SDC1: variants seen among roughly 807,000 people sequenced by gnomAD.
SDC1 encodes syndecan 1, also known as syndecan-1.
In SDC1, 14 loss-of-function variants were observed where a neutral mutation model predicts 29.7. That is an observed-to-expected ratio of 0.47 (90% CI 0.31 to 0.74). The LOEUF (loss-of-function observed/expected upper bound fraction) is 0.74. SDC1 is among the 30% of genes least tolerant of loss of function. The pLI is 0.05. For missense variants in SDC1, 406 were observed against 400.3 expected (o/e 1.01, Z -0.12); for synonymous variants, 204 against 175.5 (o/e 1.16, Z -1.29).
chr2:20,213,073 T>A (rs1002732539), intron 1 of SDC1, among the ~76,000 whole-genome samples: 17 of 151,998 alleles, frequency 1.1e-4, no homozygotes, highest in African/African-American at 3.4e-4. Context: ...GGGCGTTTAT[T>A]GAAGGAGGAG....
chr2:20,218,281 C>T (rs1159266189), intron 1 of SDC1, among the ~76,000 whole-genome samples: 1 of 152,206 alleles, frequency 6.6e-6, no homozygotes, highest in Admixed American at 6.5e-5. Context: ...AGGAATAACT[C>T]CCACAGATTT....
intron 1 of SDC1, among the ~76,000 whole-genome samples, chr2:20,212,065 A>G (rs1454034921): frequency 6.6e-6 from 1 of 151,752 alleles, no homozygotes; most frequent in African/African-American, 2.4e-5. Context: ...CTTGGTGGAT[A>G]ACGCTAAAGT....
chr2:20,219,351 C>T (rs1106111), intron 1 of SDC1, among the ~76,000 whole-genome samples: 46,987 of 152,024 alleles, frequency 0.31, 7,533 homozygotes, highest in Middle Eastern at 0.38. Context: ...TTCCTGAGGG[C>T]GGGCAAAAGC....
At chr2:20,208,528 G>GC (rs1354425968) in intron 1 of SDC1, among the ~76,000 whole-genome samples, 1 of 152,222 alleles carries the variant, frequency 6.6e-6, no homozygotes, top group Non-Finnish European at 1.5e-5. Flanking sequence ...TGAGATTTCA[G>GC]CCCCCTGAGG....
At chr2:20,222,978 T>C (rs1677868886) in intron 1 of SDC1, among the ~76,000 whole-genome samples, 3 of 152,166 alleles carry the variant, frequency 2.0e-5, no homozygotes, top group African/African-American at 7.2e-5. Flanking sequence ...CTCCATTCTC[T>C]TCTCCAAACT....
rs1677006132 is a variant in SDC1 at position 20,201,452 on chromosome 2, C to T, written c.*1314G>A. Reference sequence around the variant, plus strand: ...TGCAGAAAAGTCCGGTCACGTCACACACAGCACAGAGGCAAGAAGCGAAGG... The same window carrying T: ...TGCAGAAAAGTCCGGTCACGTCACATACAGCACAGAGGCAAGAAGCGAAGG... On this transcript the variant is annotated 3_prime_UTR_variant, in exon 5 of 5. Transcript: ENST00000254351. The T allele has an allele frequency of 6.6e-6, 1 of 152,554 alleles. No homozygotes were observed. Among genetic ancestry groups the T allele is most frequent in the African/African-American group, 2.4e-5 (1 of 41,450 alleles). 9.5% of individuals were successfully genotyped at this position (152,554 alleles called of 1,614,324 possible). A position where few individuals can be genotyped will look rare whatever the true frequency, so the allele number is the denominator to read the frequency against.
At chr2:20,206,137 G>A (rs1288419698) in intron 1 of SDC1, among the ~76,000 whole-genome samples, 1 of 152,228 alleles carries the variant, frequency 6.6e-6, no homozygotes, top group Non-Finnish European at 1.5e-5. Context: ...ATCCTCCTTG[G>A]GGAAGGAAGG....
Position 20,204,166 on chromosome 2 carries a change from T to C in SDC1, c.274A>G (p.Thr92Ala), listed in dbSNP as rs1572459914. 3 of 1,600,066 alleles carry C rather than the reference T, an allele frequency of 1.9e-6. No homozygotes were observed. Among genetic ancestry groups the C allele is most frequent in the Non-Finnish European group, 2.5e-6 (3 of 1,179,676 alleles). Residue 92 changes from threonine (T) to alanine (A), a missense_variant, in exon 3 of 5, where the codon ACC becomes GCC. Transcript: ENST00000254351. Reference protein sequence around the residue: ...GLEATAASTSTLPAGEGPKEG... With the variant: ...GLEATAASTSALPAGEGPKEG... Reference sequence around the variant, plus strand: ...TTGGGCCCCTCTCCAGCCGGCAGGGTGGAGGTGGAGGCAGCTGTAGCCTCC... The same window carrying C: ...TTGGGCCCCTCTCCAGCCGGCAGGGCGGAGGTGGAGGCAGCTGTAGCCTCC...
intron 1 of SDC1, among the ~76,000 whole-genome samples, chr2:20,209,243 C>T (rs972545130): frequency 6.6e-6 from 1 of 152,210 alleles, no homozygotes; most frequent in Non-Finnish European, 1.5e-5. Context: ...TACAACTCCC[C>T]TGCAGATGAG....
chr2:20,211,586 G>T (rs899708166), intron 1 of SDC1, among the ~76,000 whole-genome samples: 4 of 152,230 alleles, frequency 2.6e-5, no homozygotes, highest in African/African-American at 9.6e-5. Context: ...GCTCCTTCGT[G>T]CCTGGGGCTG....
chr2:20,219,040 C>A (rs879552633), intron 1 of SDC1, among the ~76,000 whole-genome samples: 3 of 152,202 alleles, frequency 2.0e-5, no homozygotes, highest in Non-Finnish European at 2.9e-5. Flanking sequence ...AAGCCCCGAG[C>A]GCAGCAGGAG....
At chr2:20,216,487 G>C (rs1246947784) in intron 1 of SDC1, among the ~76,000 whole-genome samples, 3 of 152,172 alleles carry the variant, frequency 2.0e-5, no homozygotes, top group Admixed American at 6.5e-5. Context: ...CCACAACCTC[G>C]GGCCCTGCAA....
intron 3 of SDC1, among the ~76,000 whole-genome samples, chr2:20,203,586 T>C (rs1033494340): frequency 6.6e-6 from 1 of 152,248 alleles, no homozygotes; most frequent in Admixed American, 6.5e-5. Flanking sequence ...ATTGTGAGTT[T>C]GGGGAGCCCT....
chr2:20,202,534 G>T lies in SDC1; in HGVS notation c.*232C>A, dbSNP rs1260297554. 4 of 592,792 alleles carry T rather than the reference G, an allele frequency of 6.7e-6. No individual in the cohort carries two copies. Among genetic ancestry groups the T allele is most frequent in the Non-Finnish European group, 1.2e-5 (4 of 335,188 alleles). 36.7% of individuals were successfully genotyped at this position (592,792 alleles called of 1,614,324 possible). Reference sequence around the variant, plus strand: ...GCGATGCCAGGTGCTGGCTGTGGTGGAAAGGTCCTATGCGAGAAACCCCTG... The same window carrying T: ...GCGATGCCAGGTGCTGGCTGTGGTGTAAAGGTCCTATGCGAGAAACCCCTG... On this transcript the variant is annotated 3_prime_UTR_variant, in exon 5 of 5. Coordinates refer to ENST00000254351, the MANE Select transcript of SDC1 (RefSeq NM_002997.5).
At chr2:20,212,141 G>T (rs1236223026) in intron 1 of SDC1, among the ~76,000 whole-genome samples, 1 of 152,180 alleles carries the variant, frequency 6.6e-6, no homozygotes, top group Non-Finnish European at 1.5e-5. Context: ...ACTAGACAGG[G>T]GTTCTGTCCC....
At chr2:20,214,045 G>C (rs1275175061) in intron 1 of SDC1, among the ~76,000 whole-genome samples, 3 of 152,222 alleles carry the variant, frequency 2.0e-5, no homozygotes, top group Non-Finnish European at 4.4e-5. Context: ...GGTGGGGAGG[G>C]GCTAACTCTG....
intron 2 of SDC1, 40 bp from the exon 3 acceptor site, chr2:20,204,331 G>A (rs1291666953): frequency 7.2e-7 from 1 of 1,395,270 alleles, no homozygotes; most frequent in Non-Finnish European, 9.9e-7. Flanking sequence ...GAGGTGGGGG[G>A]TGGGGAGGAC....
intron 1 of SDC1, among the ~76,000 whole-genome samples, chr2:20,220,768 C>T (rs1558438868): frequency 6.6e-6 from 1 of 152,200 alleles, no homozygotes; most frequent in Non-Finnish European, 1.5e-5. Context: ...GAGACTCAGT[C>T]CTGGGGCTCT....
Position 20,224,955 on chromosome 2 carries a change from T to C in SDC1, c.-88A>G. On this transcript the variant is annotated 5_prime_UTR_variant, in exon 1 of 5. Transcript: ENST00000254351. This position sits in a 1 kb window ranked among gnomAD's most constrained non-coding sequence, Gnocchi z 4.9. ...GCGGGTTCCGCTGCTCGATGCTCTC[T>C]TGGGCGCCTGCCCAGCGCGCCGCTG... The C allele has an allele frequency of 1.7e-6, 2 of 1,190,470 alleles. No homozygotes were observed. Among genetic ancestry groups the C allele is most frequent in the Non-Finnish European group, 2.1e-6 (2 of 961,416 alleles). The allele number at this position is 1,190,470 out of a possible 1,614,324, so 73.7% of individuals were successfully genotyped here.
Sources: allele counts gnomAD v4.1 joint callset (sites outside exome capture counted in the v4.1 genomes callset), GRCh38; gene constraint gnomAD v4.1.1; non-coding constraint Gnocchi (gnomAD v3.1); transcripts MANE v1.5; gene names NCBI Gene and HGNC (gene_info 2026-07-23, HGNC 2026-07-21).